Variants in ZNF644 observed in about 807,000 individuals in gnomAD.
The protein encoded by ZNF644 is zinc finger motif enhancer binding protein 2.
ZNF644 carries 20 observed loss-of-function variants against 108.0 expected under a neutral mutation model. The observed-to-expected ratio is 0.19, with a 90% CI of 0.13 to 0.27. The LOEUF (loss-of-function observed/expected upper bound fraction) is 0.27. ZNF644 is among the 10% of genes least tolerant of loss of function. The pLI is 1.00. For synonymous variants in ZNF644, 542 were observed against 539.1 expected (o/e 1.01, Z -0.08); for missense variants, 1,338 against 1,548.9 (o/e 0.86, Z 2.29).
intron 1 of ZNF644, among the ~76,000 whole-genome samples, chr1:91,013,393 G>C (rs1156943950): frequency 6.6e-6 from 1 of 151,508 alleles, no homozygotes; most frequent in Non-Finnish European, 1.5e-5. Flanking sequence ...TATTTATCAA[G>C]TGCTCATGTA....
intron 4 of ZNF644, among the ~76,000 whole-genome samples, chr1:90,927,357 AG>A (rs1194170884): frequency 3.3e-5 from 5 of 152,344 alleles, no homozygotes; most frequent in Non-Finnish European, 5.9e-5. Context: ...TGAAAAAATC[AG>A]CCGATCATTT....
chr1:90,976,905 T>A (rs1015049001), intron 2 of ZNF644, among the ~76,000 whole-genome samples: 11 of 151,890 alleles, frequency 7.2e-5, no homozygotes, highest in Admixed American at 1.3e-4. Context: ...CACTAGAAAA[T>A]ACTATTAAAA....
chr1:90,967,912 T>A (rs932625293), intron 2 of ZNF644, among the ~76,000 whole-genome samples: 8 of 130,130 alleles, frequency 6.1e-5, no homozygotes, highest in Non-Finnish European at 1.0e-4. Context: ...AAAAAAAAAA[T>A]TAGCCAGGAG....
chr1:90,976,160 CT>C (rs1358460042), intron 2 of ZNF644, among the ~76,000 whole-genome samples: 1 of 152,156 alleles, frequency 6.6e-6, no homozygotes, highest in East Asian at 1.9e-4. Flanking sequence ...TTCATGCCCC[CT>C]CTGCCCATAT....
intron 1 of ZNF644, among the ~76,000 whole-genome samples, chr1:91,012,834 T>C (rs762738654): frequency 6.7e-6 from 1 of 149,058 alleles, no homozygotes; most frequent in Non-Finnish European, 1.5e-5. Context: ...TCACTGTATG[T>C]TATACCTAAA....
rs568556031 is a variant in ZNF644 at position 90,938,860 on chromosome 1, A to T, written c.2494T>A (p.Phe832Ile). The T allele has an allele frequency of 6.2e-6, 10 of 1,613,930 alleles. No homozygotes were observed. The South Asian group carries it at 9.9e-5, about 16-fold the overall frequency. ...ACGACAACAGTCATTTTATGCAAAA[A>T]ATCTGGATAGCTATCCAAGTCTTCC... ...GGEDLDSYPD[F>I]LHKMTVVVLQ... The change falls in exon 3 of 6, where the codon TTT becomes ATT. Residue 832 changes from phenylalanine (F) to isoleucine (I), a missense_variant. Phe to Ile is a conservative substitution (Grantham distance 21). Transcript: ENST00000337393. The surrounding 1 kb of genome is among the most constrained non-coding windows in gnomAD (Gnocchi z 4.2).
rs549089860 is a variant in ZNF644 at position 90,918,048 on chromosome 1, A to G, written c.3791+4T>C. ...TGATCAGATTTGGCAATATAGGCAT[A>G]TACCTGCATCGGAGAATGTAAACCT... On this transcript the variant is annotated splice_donor_region_variant and intron_variant, in intron 5 of 5. Coordinates refer to ENST00000337393, the MANE Select transcript of ZNF644 (RefSeq NM_201269.3). The G allele has an allele frequency of 2.5e-6, 4 of 1,612,330 alleles. 1 individual carries two copies. The South Asian group carries it at 4.4e-5, about 18-fold the overall frequency.
intron 1 of ZNF644, among the ~76,000 whole-genome samples, chr1:91,017,596 T>C (rs574944994): frequency 6.6e-6 from 1 of 152,350 alleles, no homozygotes; most frequent in African/African-American, 2.4e-5. Flanking sequence ...GGATTTCTTA[T>C]CTTGAAATTA....
chr1:90,940,334 A>G lies in ZNF644; in HGVS notation c.1020T>C (p.Tyr340=), dbSNP rs776042433. 19 of 1,613,700 alleles carry G rather than the reference A, an allele frequency of 1.2e-5. No homozygotes were observed. The African/African-American group carries it at 1.5e-4, about 12-fold the overall frequency. Residue 340 remains tyrosine, a synonymous_variant, in exon 3 of 6, where the codon TAT becomes TAC. Transcript: ENST00000337393. ...ATTCAGGCTTCACTTTTGATAATGC[A>G]TATTTCTGTGAGTCTACTGCTTGTA... ...EELQAVDSQK[Y]ALSKVKPEST...
At chr1:90,997,435 A>C (rs1314417945) in intron 1 of ZNF644, among the ~76,000 whole-genome samples, 1 of 152,122 alleles carries the variant, frequency 6.6e-6, no homozygotes, top group African/African-American at 2.4e-5. Context: ...TCATAGAATT[A>C]GTTTCAAAAA....
At chr1:91,012,174 C>G (rs561918127) in intron 1 of ZNF644, among the ~76,000 whole-genome samples, 1 of 152,206 alleles carries the variant, frequency 6.6e-6, no homozygotes, top group East Asian at 1.9e-4. Flanking sequence ...CAATGCCAAA[C>G]AAGGACAGAA....
intron 2 of ZNF644, among the ~76,000 whole-genome samples, chr1:90,950,153 C>T (rs1272799337): frequency 6.7e-6 from 1 of 150,308 alleles, no homozygotes; most frequent in Non-Finnish European, 1.5e-5. Context: ...TGCCATGCAC[C>T]TGTAGTCCCT....
intron 4 of ZNF644, among the ~76,000 whole-genome samples, chr1:90,932,887 G>C (rs1488912420): frequency 6.6e-6 from 1 of 152,128 alleles, no homozygotes; most frequent in Non-Finnish European, 1.5e-5. Flanking sequence ...GCTTTCTTCA[G>C]TTTCTCATTT....
intron 5 of ZNF644, among the ~76,000 whole-genome samples, chr1:90,917,336 CTA>C (rs1175720711): frequency 7.9e-5 from 12 of 152,048 alleles, no homozygotes; most frequent in Non-Finnish European, 1.5e-4. Context: ...GGCATTGTGT[CTA>C]TGTTTCTTCA....
chr1:90,927,602 G>A (rs941851779), intron 4 of ZNF644, among the ~76,000 whole-genome samples: 1 of 152,108 alleles, frequency 6.6e-6, no homozygotes, highest in Non-Finnish European at 1.5e-5. Flanking sequence ...CAGATAATTC[G>A]TTACCTTGCT....
chr1:91,013,270 TTCA>T (rs1460799449), intron 1 of ZNF644, among the ~76,000 whole-genome samples: 1 of 151,920 alleles, frequency 6.6e-6, no homozygotes, highest in African/African-American at 2.4e-5. Context: ...GACGGGATAT[TTCA>T]TCATATTGGC....
chr1:90,921,936 A>G (rs1649489587), intron 4 of ZNF644, among the ~76,000 whole-genome samples: 3 of 152,168 alleles, frequency 2.0e-5, no homozygotes, highest in Admixed American at 2.0e-4. Context: ...AAATAAATAG[A>G]TAACACAACA....
chr1:90,971,012 A>C (rs1458779279), intron 2 of ZNF644, among the ~76,000 whole-genome samples: 6 of 151,508 alleles, frequency 4.0e-5, no homozygotes, highest in African/African-American at 1.2e-4. Context: ...AAAAAAAAAA[A>C]AAAAAACACT....
intron 1 of ZNF644, among the ~76,000 whole-genome samples, chr1:91,001,078 G>A (rs184839536): frequency 6.6e-6 from 1 of 152,258 alleles, no homozygotes; most frequent in East Asian, 1.9e-4. Flanking sequence ...AGGACCAGAT[G>A]GGTTCACAGC....
Sources: allele counts gnomAD v4.1 joint callset (sites outside exome capture counted in the v4.1 genomes callset), GRCh38; gene constraint gnomAD v4.1.1; non-coding constraint Gnocchi (gnomAD v3.1); transcripts MANE v1.5; gene names NCBI Gene and HGNC (gene_info 2026-07-23, HGNC 2026-07-21).